THSD7A: variants seen among roughly 807,000 people sequenced by gnomAD.
THSD7A encodes the protein thrombospondin type 1 domain containing 7A.
THSD7A carries 96 observed loss-of-function variants against 231.3 expected under a neutral mutation model. That is an observed-to-expected ratio of 0.41 (90% CI 0.35 to 0.49). The LOEUF is 0.49. THSD7A is among the 20% of genes least tolerant of loss of function. THSD7A has a pLI of 0.05. For missense variants in THSD7A, 2,290 were observed against 2,070.2 expected, an observed-to-expected ratio of 1.11 and a Z score of -2.06; for synonymous variants, 940 against 743.3, an observed-to-expected ratio of 1.26 and a Z score of -4.30.
chr7:11,706,630 CTTTTTTTTTTTT>C (rs66964252), intron 1 of THSD7A, among the ~76,000 whole-genome samples: 2 of 66,420 alleles, frequency 3.0e-5, no homozygotes, highest in Non-Finnish European at 5.4e-5. Flanking sequence ...TAACAAGGTG[CTTTTTTTTTTTT>C]TTTTTTTTTT....
chr7:11,663,632 A>T (rs1438091021), intron 1 of THSD7A, among the ~76,000 whole-genome samples: 1 of 150,934 alleles, frequency 6.6e-6, no homozygotes, highest in East Asian at 2.0e-4. Context: ...ACAAACATGG[A>T]TGCAAATTTT....
chr7:11,408,527 GAA>G (rs1442565750), intron 19 of THSD7A, among the ~76,000 whole-genome samples: 1 of 151,026 alleles, frequency 6.6e-6, no homozygotes. Context: ...TGAAAAGAAA[GAA>G]AAAGAAATAG....
intron 8 of THSD7A, among the ~76,000 whole-genome samples, chr7:11,473,609 T>C (rs1786024712): frequency 6.6e-6 from 1 of 152,210 alleles, no homozygotes; most frequent in African/African-American, 2.4e-5. Flanking sequence ...AGTAGATTTA[T>C]TAATTTTCTC....
At chr7:11,785,356 C>A (rs915074616) in intron 1 of THSD7A, among the ~76,000 whole-genome samples, 1 of 152,104 alleles carries the variant, frequency 6.6e-6, no homozygotes, top group Non-Finnish European at 1.5e-5. Flanking sequence ...CCCACCTCAG[C>A]CTCCTGAGTA....
chr7:11,522,210 T>C (rs183133041), intron 6 of THSD7A, among the ~76,000 whole-genome samples: 98 of 152,286 alleles, frequency 6.4e-4, no homozygotes, highest in African/African-American at 2.2e-3. Context: ...TCTCTTCTTA[T>C]TCCTTGGACA....
chr7:11,497,910 C>T (rs941991041), intron 6 of THSD7A, among the ~76,000 whole-genome samples: 7 of 152,080 alleles, frequency 4.6e-5, no homozygotes, highest in Admixed American at 2.0e-4. Context: ...TAAGCGATCC[C>T]GGGAAACCAT....
At chr7:11,584,521 C>A (rs921421165) in intron 4 of THSD7A, among the ~76,000 whole-genome samples, 20 of 151,774 alleles carry the variant, frequency 1.3e-4, no homozygotes, top group Admixed American at 1.2e-3. Flanking sequence ...GCTAGTCTGT[C>A]ACATAGCTTG....
intron 1 of THSD7A, among the ~76,000 whole-genome samples, chr7:11,806,727 G>A (rs549375410): frequency 1.3e-5 from 2 of 152,248 alleles, no homozygotes; most frequent in African/African-American, 4.8e-5. Flanking sequence ...AGGGAAAGCA[G>A]GTAGAAAAGG....
At chr7:11,764,203 G>T (rs1782955147) in intron 1 of THSD7A, among the ~76,000 whole-genome samples, 1 of 152,184 alleles carries the variant, frequency 6.6e-6, no homozygotes, top group Non-Finnish European at 1.5e-5. Flanking sequence ...CAGGGTCAGT[G>T]CTTGACAACA....
chr7:11,664,133 C>A (rs757662153), intron 1 of THSD7A, among the ~76,000 whole-genome samples: 10 of 151,616 alleles, frequency 6.6e-5, no homozygotes, highest in Non-Finnish European at 8.8e-5. Context: ...TCAGTCCCTG[C>A]CACCCACATC....
chr7:11,740,949 T>C (rs762074631), intron 1 of THSD7A, among the ~76,000 whole-genome samples: 10 of 151,994 alleles, frequency 6.6e-5, no homozygotes, highest in African/African-American at 9.7e-5. Context: ...ACGCTGTTTA[T>C]GTGAAAAATA....
intron 2 of THSD7A, among the ~76,000 whole-genome samples, chr7:11,601,633 A>G (rs1484087522): frequency 6.6e-6 from 1 of 152,152 alleles, no homozygotes; most frequent in Admixed American, 6.5e-5. Context: ...CATCTAGGAG[A>G]ATTTCAACCA....
chr7:11,636,157 T>C lies in THSD7A; in HGVS notation c.995A>G (p.Asn332Ser). 1 of 1,612,946 alleles carries C rather than the reference T, an allele frequency of 6.2e-7. No individual in the cohort carries two copies. The highest frequency in any genetic ancestry group is 1.7e-4 in the Middle Eastern group (1 of 6,054). Residue 332 changes from asparagine (N) to serine (S), a missense_variant, in exon 2 of 28, where the codon AAC becomes AGC. Coordinates refer to ENST00000423059, the MANE Select transcript of THSD7A (RefSeq NM_015204.3). This position sits in a 1 kb window ranked among gnomAD's most constrained non-coding sequence, Gnocchi z 10.0. ...GYQTREVMCI[N>S]KTGKAADLSF... ...TAAATCAGCAGCTTTCCCCGTCTTG[T>C]TAATGCACATAACCTCTCTGGTCTG...
In THSD7A at chr7:11,829,332, T is replaced by A. The variant is rs192927441; in HGVS notation, c.190+2425A>T. Among the ~76,000 whole-genome samples, 250 of 152,258 alleles carry A rather than the reference T, an allele frequency of 1.6e-3. 2 individuals are homozygous for A. The highest frequency in any genetic ancestry group is 1.7e-3 in the Non-Finnish European group (113 of 67,978). Reference sequence around the variant, plus strand: ...TATGTATCTGACATATGCATTCATATATATGAAGCCCTTTAGGGGTTAAAA... The same window carrying A: ...TATGTATCTGACATATGCATTCATAAATATGAAGCCCTTTAGGGGTTAAAA... On this transcript the variant is annotated intron_variant, in intron 1 of 27. Transcript: ENST00000423059.
intron 6 of THSD7A, among the ~76,000 whole-genome samples, chr7:11,492,727 T>C (rs1030179778): frequency 1.4e-4 from 22 of 152,234 alleles, no homozygotes; most frequent in African/African-American, 5.1e-4. Flanking sequence ...GACTGGTCTA[T>C]GTGGGAAGGC....
At chr7:11,520,475 T>C (rs778851919) in intron 6 of THSD7A, among the ~76,000 whole-genome samples, 5 of 152,186 alleles carry the variant, frequency 3.3e-5, no homozygotes, top group Admixed American at 1.3e-4. Context: ...GACAATTATC[T>C]CTTATGCATA....
intron 4 of THSD7A, among the ~76,000 whole-genome samples, chr7:11,579,383 A>G (rs2128337254): frequency 6.6e-6 from 1 of 151,822 alleles, no homozygotes; most frequent in Middle Eastern, 3.4e-3. Flanking sequence ...AAAAAATGCT[A>G]CTCATTCACC....
intron 23 of THSD7A, among the ~76,000 whole-genome samples, chr7:11,394,075 A>G (rs1783087902): frequency 1.3e-5 from 2 of 152,180 alleles, no homozygotes; most frequent in Admixed American, 1.3e-4. Flanking sequence ...CCGATTCACA[A>G]AGGTTGAAAT....
rs1414679589 is a variant in THSD7A, at chr7:11,812,482, C to G, written c.190+19275G>C. Among the ~76,000 whole-genome samples, 4 of 152,026 alleles carry G rather than the reference C, an allele frequency of 2.6e-5. No homozygotes were observed. In the South Asian group the frequency reaches 8.3e-4, roughly 31 times the overall value. ...TTTAGATAAAATACGTTATCATTTA[C>G]GTCACAAAAGTGAAGGAAACTGTAA... On this transcript the variant is annotated intron_variant, in intron 1 of 27. Transcript: ENST00000423059.
Sources: allele counts gnomAD v4.1 joint callset (sites outside exome capture counted in the v4.1 genomes callset), GRCh38; gene constraint gnomAD v4.1.1; non-coding constraint Gnocchi (gnomAD v3.1); transcripts MANE v1.5; gene names NCBI Gene and HGNC (gene_info 2026-07-23, HGNC 2026-07-21).